Variants in DCLRE1B observed in about 807,000 individuals in gnomAD.
DCLRE1B encodes the protein 5' exonuclease Apollo.
DCLRE1B carries 6 observed loss-of-function variants against 19.8 expected under a neutral mutation model. The observed-to-expected ratio is 0.30, with a 90% CI of 0.17 to 0.60. DCLRE1B has a LOEUF of 0.60. DCLRE1B is among the 20% of genes least tolerant of loss of function. DCLRE1B has a pLI of 0.87. For missense variants in DCLRE1B, 622 were observed against 654.2 expected (o/e 0.95, Z 0.54); for synonymous variants, 258 against 255.7 (o/e 1.01, Z -0.09).
At position 113,907,049 on chromosome 1, in the gene DCLRE1B, C is replaced by G. The variant is rs762552451; in HGVS notation, c.243C>G (p.Pro81=). 5 of 1,613,716 alleles carry G rather than the reference C, an allele frequency of 3.1e-6. No homozygotes were observed. The highest frequency in any genetic ancestry group is 3.3e-5 in the Admixed American group (2 of 59,968). Residue 81 remains proline (P), a synonymous_variant, in exon 2 of 4, where the codon CCC becomes CCG. Coordinates refer to ENST00000650450, the MANE Select transcript of DCLRE1B (RefSeq NM_022836.4). ...ALEVGESHVL[P]LDEIGQETMT... is the part of the protein sequence containing the mutation. ...AGGTTGGTGAGAGCCATGTATTACC[C>G]CTAGATGAAATTGGACAAGAGACCA...
rs766211735 is a variant in DCLRE1B, at chr1:113,911,993, A to G, written c.1401A>G (p.Pro467=). The G allele has an allele frequency of 7.4e-6, 12 of 1,614,126 alleles. No individual in the cohort carries two copies. The highest frequency in any genetic ancestry group is 3.3e-5 in the South Asian group (3 of 91,088). Residue 467 remains proline (P), a synonymous_variant, in exon 4 of 4, where the codon CCA becomes CCG. Transcript: ENST00000650450. ...CCATGGGAGATGATGATGGAGGTCC[A>G]GAAGCCACAGGGAATCAGAGTGCCT... is the stretch of plus-strand genomic sequence containing the variant. ...LVPMGDDDGG[P]EATGNQSAWM...
chr1:113,904,664 GCA>G, upstream of DCLRE1B: 1 of 1,613,288 alleles, frequency 6.2e-7, no homozygotes, highest in South Asian at 1.1e-5. Context: ...TGTGAGGATT[GCA>G]CAGAGCCTTC....
upstream of DCLRE1B, chr1:113,904,827 A>G: frequency 2.1e-6 from 2 of 974,570 alleles, no homozygotes; most frequent in South Asian, 1.3e-5. Context: ...GTGAAAATAC[A>G]AAAGGCGAGA....
At chr1:113,908,801 G>A (rs920037062) in intron 3 of DCLRE1B, among the ~76,000 whole-genome samples, 12 of 145,940 alleles carry the variant, frequency 8.2e-5, no homozygotes, top group Admixed American at 2.0e-4. Context: ...GCACATACGC[G>A]TGCACACACA....
upstream of DCLRE1B, chr1:113,905,025 G>C (rs913493320): frequency 4.8e-6 from 2 of 420,336 alleles, no homozygotes; most frequent in South Asian, 2.1e-5. Flanking sequence ...CGCCGCGTCC[G>C]ACTGACCGCA....
chr1:113,912,871 G>A lies in DCLRE1B; in HGVS notation c.*680G>A, dbSNP rs1669318974. The A allele has an allele frequency of 6.6e-6, 1 of 152,452 alleles. No homozygotes were observed. The highest frequency in any genetic ancestry group is 2.4e-5 in the African/African-American group (1 of 41,428). The allele number at this position is 152,452 out of a possible 1,614,324, so 9.4% of individuals were successfully genotyped here. A position where few individuals can be genotyped will look rare whatever the true frequency, so the allele number is the denominator to read the frequency against. ...TCCCAGTATCACTGGGATCCATGTGGAACAGAGCCAGCTGGGGGGTTGGGC... is the reference window on the plus strand; with the variant it reads ...TCCCAGTATCACTGGGATCCATGTGAAACAGAGCCAGCTGGGGGGTTGGGC... On this transcript the variant is annotated 3_prime_UTR_variant, in exon 4 of 4. Transcript: ENST00000650450.
Position 113,911,258 on chromosome 1 carries a change from G to A in DCLRE1B, c.666G>A (p.Val222=). Residue 222 remains valine, a synonymous_variant, in exon 4 of 4, where the codon GTG becomes GTA. Coordinates refer to ENST00000650450, the MANE Select transcript of DCLRE1B (RefSeq NM_022836.4). ...TGGGCCTGGCAGATGTGTTCACAGT[G>A]GAGGAGAAGGCTGGCCGCATCCATG... ...QLLGLADVFT[V]EEKAGRIHAV... 1 of 1,614,146 alleles carries A rather than the reference G, an allele frequency of 6.2e-7. No individual in the cohort carries two copies. Among genetic ancestry groups the A allele is most frequent in the Non-Finnish European group, 8.5e-7 (1 of 1,180,028 alleles).
intron 3 of DCLRE1B, among the ~76,000 whole-genome samples, chr1:113,909,571 G>T (rs537813146): frequency 6.6e-6 from 1 of 152,160 alleles, no homozygotes; most frequent in Non-Finnish European, 1.5e-5. Context: ...CTACCAAATC[G>T]ATTGAGAAAT....
Position 113,906,978 on chromosome 1 carries a change from G to A in DCLRE1B, c.190-18G>A, listed in dbSNP as rs780612432. Reference sequence around the variant, plus strand: ...GAGAGGAGTCAGTGGTCACTGGGATGACTAACTGTTTTCTCAGGTATCTAA... The same window carrying A: ...GAGAGGAGTCAGTGGTCACTGGGATAACTAACTGTTTTCTCAGGTATCTAA... On this transcript the variant is annotated intron_variant, in intron 1 of 3. Transcript: ENST00000650450. The A allele has an allele frequency of 2.5e-6, 4 of 1,613,494 alleles. No individual in the cohort carries two copies. Among genetic ancestry groups the A allele is most frequent in the Admixed American group, 1.7e-5 (1 of 59,984 alleles).
intron 3 of DCLRE1B, 96 bp from the exon 4 acceptor site, chr1:113,911,035 T>G (rs1669231045): frequency 2.6e-6 from 3 of 1,165,082 alleles, no homozygotes; most frequent in African/African-American, 3.1e-5. Flanking sequence ...GAATTGTATC[T>G]ATTTTTGTTA....
chr1:113,911,045 A>T, intron 3 of DCLRE1B, 86 bp from the exon 4 acceptor site: 1 of 1,298,244 alleles, frequency 7.7e-7, no homozygotes, highest in Non-Finnish European at 1.1e-6. Flanking sequence ...TATTTTTGTT[A>T]AACATTTTGT....
Position 113,911,855 on chromosome 1 carries a change from G to A in DCLRE1B, c.1263G>A (p.Arg421=). The part of the protein sequence containing the change: ...KAVPFCESQK[R]VTMLTAPLGF... ...TGCCTTTCTGTGAGTCTCAAAAGAG[G>A]GTGACTATGTTGACGGCCCCACTGG... The change falls in exon 4 of 4, where the codon AGG becomes AGA. Residue 421 remains arginine (R), a synonymous_variant. Coordinates refer to ENST00000650450, the MANE Select transcript of DCLRE1B (RefSeq NM_022836.4). 1 of 1,614,208 alleles carries A rather than the reference G, an allele frequency of 6.2e-7. No individual in the cohort carries two copies. The highest frequency in any genetic ancestry group is 8.5e-7 in the Non-Finnish European group (1 of 1,180,036).
rs71090746 is a variant in DCLRE1B, at chr1:113,907,204, GTTTTTTTTTTTTTTTTTT to G, written c.355+56_355+73del. 9 of 492,574 alleles carry G rather than the reference GTTTTTTTTTTTTTTTTTT, an allele frequency of 1.8e-5. No homozygotes were observed. The African/African-American group carries it at 2.3e-4, about 13-fold the overall frequency. 30.5% of individuals were successfully genotyped at this position (492,574 alleles called of 1,614,324 possible). A position where few individuals can be genotyped will look rare whatever the true frequency, so the allele number is the denominator to read the frequency against. On this transcript the variant is annotated intron_variant, in intron 2 of 3. Transcript: ENST00000650450. ...TCCCAGTGACTTCTCCAGACTAGAT[GTTTTTTTTTTTTTTTTTT>G]TTTTTTTTTTTTAATGTATAGACTG...
intron 3 of DCLRE1B, 95 bp downstream of exon 3, chr1:113,908,286 C>G: frequency 1.3e-6 from 2 of 1,487,750 alleles, no homozygotes; most frequent in Non-Finnish European, 1.8e-6. Flanking sequence ...GCAGTTCTCA[C>G]TTTCTCCTAC....
chr1:113,907,204 GTT>G (rs71090746), intron 2 of DCLRE1B, 43 bp downstream of exon 2: 2,308 of 490,988 alleles, frequency 4.7e-3, no homozygotes, highest in South Asian at 0.027. Context: ...CAGACTAGAT[GTT>G]TTTTTTTTTT....
chr1:113,908,238 A>G, intron 3 of DCLRE1B, 47 bp downstream of exon 3: 1 of 1,574,210 alleles, frequency 6.4e-7, no homozygotes, highest in Non-Finnish European at 8.6e-7. Context: ...ATAGTGAACT[A>G]GATTCTTTAA....
chr1:113,907,186 G>A (rs1669053236), intron 2 of DCLRE1B, 25 bp downstream of exon 2: 1 of 782,840 alleles, frequency 1.3e-6, no homozygotes, highest in Non-Finnish European at 1.9e-6. Flanking sequence ...GAATCCCAGT[G>A]ACTTCTCCAG....
chr1:113,910,801 A>G (rs1398970988), intron 3 of DCLRE1B, among the ~76,000 whole-genome samples: 1 of 152,136 alleles, frequency 6.6e-6, no homozygotes, highest in African/African-American at 2.4e-5. Flanking sequence ...CGGCCTGTAC[A>G]CATATCTTTA....
At chr1:113,905,809 C>T (rs1668902017) in intron 1 of DCLRE1B, 34 bp downstream of exon 1, 10 of 1,585,658 alleles carry the variant, frequency 6.3e-6, no homozygotes, top group Non-Finnish European at 8.6e-6. Flanking sequence ...GAGAGCTGGT[C>T]CAGGCATCTG....
Sources: gnomAD v4.1 joint callset for allele counts (sites outside exome capture counted in the v4.1 genomes callset) on GRCh38, gnomAD v4.1.1 for gene constraint, MANE v1.5 for transcripts, NCBI Gene and HGNC (gene_info 2026-07-23, HGNC 2026-07-21) for gene names.